Variants in CENPK observed in about 807,000 individuals in gnomAD.
CENPK encodes the protein centromere protein K, also known as SoxLZ/Sox6-binding protein Solt.
CENPK carries 46 observed loss-of-function variants against 40.9 expected under a neutral mutation model. The observed-to-expected ratio is 1.13, with a 90% CI of 0.89 to 1.44. CENPK has a LOEUF of 1.44. Ranked by LOEUF, CENPK falls within the 40% of genes most tolerant of loss-of-function variation. The pLI, the probability that CENPK is intolerant of heterozygous loss-of-function variation, is 0.00. For missense variants in CENPK, 288 were observed against 303.5 expected (o/e 0.95, Z 0.38); for synonymous variants, 107 against 104.4 (o/e 1.02, Z -0.15).
intron 6 of CENPK, among the ~76,000 whole-genome samples, chr5:65,539,397 G>A (rs932209395): frequency 6.6e-6 from 1 of 152,138 alleles, no homozygotes; most frequent in South Asian, 2.1e-4. Flanking sequence ...CATGTTATGG[G>A]CTTCAAAAAT....
chr5:65,503,921 G>A, the CENPK span, among the ~76,000 whole-genome samples: 2 of 151,738 alleles, frequency 1.3e-5, no homozygotes, highest in Non-Finnish European at 2.9e-5. Flanking sequence ...CTCCCAAAGT[G>A]CTGGGATTAC....
chr5:65,542,200 G>T (rs754288842), intron 6 of CENPK, among the ~76,000 whole-genome samples: 2 of 152,202 alleles, frequency 1.3e-5, no homozygotes. Context: ...CACAGCAGAA[G>T]GAGAGATGTA....
intron 9 of CENPK, among the ~76,000 whole-genome samples, chr5:65,527,990 T>C (rs757275758): frequency 2.6e-4 from 39 of 152,048 alleles, no homozygotes; most frequent in Non-Finnish European, 5.1e-4. Context: ...CATCTAATCG[T>C]CCCACTTGGG....
intron 6 of CENPK, among the ~76,000 whole-genome samples, chr5:65,537,077 C>A (rs543477377): frequency 1.1e-4 from 16 of 152,200 alleles, no homozygotes; most frequent in Non-Finnish European, 1.6e-4. Flanking sequence ...CCAAAAACAG[C>A]ACCATGCTCT....
the CENPK span, among the ~76,000 whole-genome samples, chr5:65,506,971 T>C: frequency 6.6e-6 from 1 of 152,234 alleles, no homozygotes; most frequent in Non-Finnish European, 1.5e-5. Context: ...ACATAAAACC[T>C]TGTCTCAATC....
At chr5:65,533,378 C>A (rs1278409927) in intron 6 of CENPK, among the ~76,000 whole-genome samples, 10 of 77,884 alleles carry the variant, frequency 1.3e-4, no homozygotes, top group African/African-American at 3.8e-4. Context: ...AATAAAATAA[C>A]AAAATAAAAT....
At chr5:65,548,466 G>T (rs544601849) in intron 5 of CENPK, among the ~76,000 whole-genome samples, 8 of 151,852 alleles carry the variant, frequency 5.3e-5, no homozygotes, top group South Asian at 4.2e-4. Context: ...GGCTGTGGCC[G>T]TTTCTTAAAA....
chr5:65,523,297 T>C (rs1367423382), intron 9 of CENPK, among the ~76,000 whole-genome samples: 1 of 152,186 alleles, frequency 6.6e-6, no homozygotes, highest in Non-Finnish European at 1.5e-5. Flanking sequence ...TAAAGGAAAC[T>C]GCTAGAAAGT....
rs1412446096 is a variant in CENPK at position 65,563,137 on chromosome 5, G to C, written c.-181C>G. On this transcript the variant is annotated 5_prime_UTR_variant, in exon 1 of 11. Transcript: ENST00000396679. ...AAACTCCAGGTCGCCTAGGCGCTGC[G>C]CAGGAAGCGCTTGCCAGCCCCGGAC... 1.3e-6 allele frequency: 1 copy of C among 787,622 alleles called. No homozygotes were observed. The highest frequency in any genetic ancestry group is 1.8e-5 in the African/African-American group (1 of 57,070). The allele number at this position is 787,622 out of a possible 1,614,324, so 48.8% of individuals were successfully genotyped here.
chr5:65,534,868 T>A (rs1269173310), intron 6 of CENPK, among the ~76,000 whole-genome samples: 1 of 152,210 alleles, frequency 6.6e-6, no homozygotes, highest in South Asian at 2.1e-4. Context: ...AATAGAAAAC[T>A]TGATTAAATG....
intron 5 of CENPK, among the ~76,000 whole-genome samples, chr5:65,549,849 G>A (rs1749659511): frequency 6.6e-6 from 1 of 152,088 alleles, no homozygotes; most frequent in Admixed American, 6.5e-5. Flanking sequence ...CAGCAATAAG[G>A]CTATTCTGTT....
chr5:65,535,609 G>A (rs1016997411), intron 6 of CENPK, among the ~76,000 whole-genome samples: 1 of 152,148 alleles, frequency 6.6e-6, no homozygotes, highest in Non-Finnish European at 1.5e-5. Flanking sequence ...AACTCGCCAC[G>A]TCACACATAG....
chr5:65,501,118 TTTGCTGAGACTTTCTATTTTCA>T, the CENPK span, among the ~76,000 whole-genome samples: 7 of 152,126 alleles, frequency 4.6e-5, no homozygotes, highest in East Asian at 1.3e-3. Flanking sequence ...CTTCTATTTC[TTTGCTGAGACTTTCTATTTTCA>T]TTTGTTTCAG....
intron 9 of CENPK, among the ~76,000 whole-genome samples, chr5:65,525,963 C>T (rs1230773742): frequency 6.6e-6 from 1 of 152,142 alleles, no homozygotes; most frequent in African/African-American, 2.4e-5. Context: ...TTTGTTATCA[C>T]AGCCCAAGTA....
At chr5:65,531,075 T>C (rs1745705325) in intron 6 of CENPK, among the ~76,000 whole-genome samples, 1 of 151,902 alleles carries the variant, frequency 6.6e-6, no homozygotes, top group South Asian at 2.1e-4. Flanking sequence ...AAGGGTTGTT[T>C]GAGGCCAGGA....
At chr5:65,503,295 C>T in the CENPK span, among the ~76,000 whole-genome samples, 3 of 151,994 alleles carry the variant, frequency 2.0e-5, no homozygotes, top group Admixed American at 6.6e-5. Flanking sequence ...TTAGTAGAGA[C>T]GGGGTTTTGC....
intron 9 of CENPK, chr5:65,524,735 A>G (rs757892554): frequency 6.5e-6 from 1 of 154,162 alleles, no homozygotes; most frequent in Non-Finnish European, 1.5e-5. Context: ...AATGAAGGCT[A>G]AATATAAATG....
At chr5:65,541,129 C>T (rs1468709143) in intron 6 of CENPK, among the ~76,000 whole-genome samples, 1 of 152,080 alleles carries the variant, frequency 6.6e-6, no homozygotes, top group African/African-American at 2.4e-5. Flanking sequence ...AGCCATGTAT[C>T]CTTTGTAATA....
intron 9 of CENPK, among the ~76,000 whole-genome samples, chr5:65,525,869 C>T (rs1415045297): frequency 8.1e-6 from 1 of 123,692 alleles, no homozygotes. Context: ...GACCAGAAAC[C>T]AACCCGACAG....
Sources: allele counts gnomAD v4.1 joint callset (sites outside exome capture counted in the v4.1 genomes callset), GRCh38; gene constraint gnomAD v4.1.1; transcripts MANE v1.5; gene names NCBI Gene and HGNC (gene_info 2026-07-23, HGNC 2026-07-21).